NOL4L: variants seen among roughly 807,000 people sequenced by gnomAD.
NOL4L encodes nucleolar protein 4 like.
NOL4L carries 7 observed loss-of-function variants against 64.5 expected under a neutral mutation model. The observed-to-expected ratio is 0.11, with a 90% CI of 0.06 to 0.20. The LOEUF (loss-of-function observed/expected upper bound fraction) is 0.20. Among genes scored for constraint, NOL4L ranks in the 10% least tolerant of loss-of-function variants. The pLI is 1.00. For missense variants in NOL4L, 680 were observed against 967.1 expected (o/e 0.70, Z 3.94); for synonymous variants, 413 against 401.0 (o/e 1.03, Z -0.36).
At chr20:32,485,071 A>AAAAACAAAAAAAAAAAAAAAAC (rs2016009128) in intron 4 of NOL4L, among the ~76,000 whole-genome samples, 1 of 146,332 alleles carries the variant, frequency 6.8e-6, no homozygotes, top group African/African-American at 2.5e-5. Context: ...AAAAAAAAAA[A>AAAAACAAAAAAAAAAAAAAAAC]AAAAAAAAAA....
chr20:32,513,533 A>C (rs774587524), intron 3 of NOL4L, among the ~76,000 whole-genome samples: 6 of 152,286 alleles, frequency 3.9e-5, no homozygotes. Context: ...GATAGTGGTG[A>C]TGATTGCTCA....
chr20:32,523,586 T>C (rs2018020454), intron 2 of NOL4L, among the ~76,000 whole-genome samples: 1 of 152,150 alleles, frequency 6.6e-6, no homozygotes, highest in African/African-American at 2.4e-5. Context: ...TTCAGATGGT[T>C]TTAGATTTAA....
At chr20:32,472,595 CA>C in intron 5 of NOL4L, among the ~76,000 whole-genome samples, 1 of 152,320 alleles carries the variant, frequency 6.6e-6, no homozygotes, top group South Asian at 2.1e-4. Flanking sequence ...TGTATGTCTC[CA>C]GGGGGGCCAG....
chr20:32,554,137 G>A (rs1978486953), intron 1 of NOL4L, among the ~76,000 whole-genome samples: 1 of 151,988 alleles, frequency 6.6e-6, no homozygotes, highest in Non-Finnish European at 1.5e-5. Context: ...TGGCTAACAG[G>A]GTGAAACCCC....
intron 1 of NOL4L, among the ~76,000 whole-genome samples, chr20:32,552,133 A>G (rs1304719182): frequency 1.3e-5 from 2 of 152,308 alleles, no homozygotes; most frequent in Non-Finnish European, 2.9e-5. Context: ...TGTGAATTAT[A>G]TCTCAAAAAA....
rs1439129781 is a variant in NOL4L at position 32,447,244 on chromosome 20, A to G, written c.*352T>C. 9.7e-6 allele frequency: 5 copies of G among 516,412 alleles called. No individual in the cohort carries two copies. In the East Asian group the frequency reaches 2.6e-4, roughly 27 times the overall value. 32.0% of individuals were successfully genotyped at this position (516,412 alleles called of 1,614,324 possible). The stretch of plus-strand genomic sequence containing the variant: ...CAATTCTGCTCACCTAAGACTTGAA[A>G]GGTAATTATCTGGGGGTGGGATTCT... On this transcript the variant is annotated 3_prime_UTR_variant, in exon 11 of 11. Transcript: ENST00000621426.
At chr20:32,538,208 G>C (rs1237046093) in intron 1 of NOL4L, among the ~76,000 whole-genome samples, 1 of 152,214 alleles carries the variant, frequency 6.6e-6, no homozygotes, top group African/African-American at 2.4e-5. Context: ...GTGCGAGGCT[G>C]GCCTGAGTCA....
At position 32,512,162 on chromosome 20, in the gene NOL4L, C is replaced by A. The variant is rs1052447131; in HGVS notation, c.590-706G>T. Among the ~76,000 whole-genome samples the A allele has an allele frequency of 1.9e-4, 29 of 152,230 alleles. 1 individual carries two copies. The highest frequency in any genetic ancestry group is 7.0e-4 in the African/African-American group (29 of 41,460). ...GCAACCACTGCCACTTCAGCAGCCA[C>A]TTCTTTTAGACAGGGTGTGTGGCTC... is the stretch of plus-strand genomic sequence containing the variant. On this transcript the variant is annotated intron_variant, in intron 3 of 10. Transcript: ENST00000621426.
intron 1 of NOL4L, among the ~76,000 whole-genome samples, chr20:32,538,462 GC>G (rs2018591525): frequency 4.0e-5 from 5 of 125,970 alleles, no homozygotes; most frequent in African/African-American, 1.2e-4. Flanking sequence ...TCCCTCCCTC[GC>G]TCCCTCCCTC....
chr20:32,545,952 T>G lies in NOL4L; in HGVS notation c.322-18039A>C, dbSNP rs1250891425. Among the ~76,000 whole-genome samples the G allele has an allele frequency of 2.2e-3, 200 of 91,974 alleles. No homozygotes were observed. In the African/African-American group the frequency reaches 0.035, roughly 16 times the overall value. 60.3% of individuals were successfully genotyped at this position (91,974 alleles called of 152,430 possible). A position where few individuals can be genotyped will look rare whatever the true frequency, so the allele number is the denominator to read the frequency against. ...AATTCTTTTTTTTTCTTTCTTTTCT[T>G]TTTTTTTTTTTTTGGAGACAGAGTC... On this transcript the variant is annotated intron_variant, in intron 1 of 10. Coordinates refer to ENST00000621426, the MANE Select transcript of NOL4L (RefSeq NM_001256798.2).
chr20:32,503,140 C>G (rs936047683), intron 4 of NOL4L, among the ~76,000 whole-genome samples: 55 of 152,118 alleles, frequency 3.6e-4, no homozygotes, highest in African/African-American at 1.2e-3. Context: ...CCAACAGCAG[C>G]CTTGGTCAAG....
intron 1 of NOL4L, among the ~76,000 whole-genome samples, chr20:32,584,095 TC>T (rs1194458873): frequency 0.013 from 414 of 32,390 alleles, 2 homozygotes; most frequent in African/African-American, 0.029. Context: ...CCTGCCTCCC[TC>T]CCCCCCCCCC....
intron 1 of NOL4L, among the ~76,000 whole-genome samples, chr20:32,557,468 C>G (rs114033422): frequency 0.01 from 1,553 of 152,374 alleles, 23 homozygotes; most frequent in African/African-American, 0.036. Context: ...GCCAGCCTCT[C>G]CAAGTCTCCT....
chr20:32,497,773 C>CA (rs2016754880), intron 4 of NOL4L, among the ~76,000 whole-genome samples: 1 of 152,224 alleles, frequency 6.6e-6, no homozygotes. Context: ...AGACCGGAGT[C>CA]AGCTCCCTGG....
chr20:32,583,507 G>A (rs1429457351), intron 1 of NOL4L, among the ~76,000 whole-genome samples: 1 of 144,162 alleles, frequency 6.9e-6, no homozygotes, highest in Non-Finnish European at 1.5e-5. Flanking sequence ...GGGCGGCCCG[G>A]CTCTCGCGCT....
chr20:32,573,472 AC>A (rs1386658035), intron 1 of NOL4L, among the ~76,000 whole-genome samples: 1 of 152,074 alleles, frequency 6.6e-6, no homozygotes, highest in African/African-American at 2.4e-5. Flanking sequence ...TGGCTTCATC[AC>A]AGCTTCTAGG....
chr20:32,583,505 C>A (rs1980638589), intron 1 of NOL4L, among the ~76,000 whole-genome samples: 1 of 136,550 alleles, frequency 7.3e-6, no homozygotes, highest in African/African-American at 2.7e-5. Context: ...CGGGGCGGCC[C>A]GGCTCTCGCG....
chr20:32,550,108 A>G (rs1031511929), intron 1 of NOL4L, among the ~76,000 whole-genome samples: 2 of 152,270 alleles, frequency 1.3e-5, no homozygotes, highest in Non-Finnish European at 2.9e-5. Flanking sequence ...TCAGGTGTCA[A>G]TGATGGGACA....
intron 1 of NOL4L, among the ~76,000 whole-genome samples, chr20:32,551,061 A>G (rs2018794624): frequency 1.3e-5 from 2 of 151,338 alleles, no homozygotes; most frequent in South Asian, 2.1e-4. Context: ...ATCTCAAAAA[A>G]TAATAATAAT....
Sources: gnomAD v4.1 joint callset for allele counts (sites outside exome capture counted in the v4.1 genomes callset) on GRCh38, gnomAD v4.1.1 for gene constraint, MANE v1.5 for transcripts, NCBI Gene and HGNC (gene_info 2026-07-23, HGNC 2026-07-21) for gene names.